Variants in PIK3CA observed in about 807,000 individuals in gnomAD.
PIK3CA encodes phosphatidylinositol 4,5-bisphosphate 3-kinase catalytic subunit alpha isoform.
Under a neutral mutation model 138.2 loss-of-function variants are expected in PIK3CA, and 27 were observed. The observed-to-expected ratio is 0.20, with a 90% confidence interval of 0.14 to 0.27. PIK3CA has a LOEUF of 0.27. Among genes scored for constraint, PIK3CA ranks in the 10% least tolerant of loss-of-function variants. PIK3CA has a pLI of 1.00. For synonymous variants in PIK3CA, 358 were observed against 413.2 expected, an observed-to-expected ratio of 0.87 and a Z score of 1.62; for missense variants, 544 against 1,277.4, an observed-to-expected ratio of 0.43 and a Z score of 8.75.
chr3:179,160,343 A>G (rs1428163176), intron 1 of PIK3CA, among the ~76,000 whole-genome samples: 1 of 149,858 alleles, frequency 6.7e-6, no homozygotes, highest in East Asian at 1.9e-4. Context: ...CTTAAAGATA[A>G]GAATTTGCCA....
intron 1 of PIK3CA, among the ~76,000 whole-genome samples, chr3:179,166,559 TTACTC>T (rs760078375): frequency 5.3e-5 from 8 of 152,342 alleles, no homozygotes; most frequent in Non-Finnish European, 8.8e-5. Flanking sequence ...CTAACCTTCT[TTACTC>T]TGCTTTGTAA....
At chr3:179,224,238 A>AT in intron 15 of PIK3CA, 51 bp downstream of exon 15, 1 of 913,524 alleles carries the variant, frequency 1.1e-6, no homozygotes, top group East Asian at 2.5e-5. Flanking sequence ...CCTTTTCTGG[A>AT]TAAAATCTTG....
In PIK3CA at chr3:179,221,016, G is replaced by A. The variant is rs1724953895; in HGVS notation, c.2046G>A (p.Gln682=). Residue 682 remains glutamine (Q), a synonymous_variant, in exon 14 of 21, where the codon CAG becomes CAA. Transcript: ENST00000263967. ...KSEMHNKTVS[Q]RFGLLLESYC... ...AGATGCACAATAAAACAGTTAGCCA[G>A]AGGTTTGGCCTGCTTTTGGAGTCCT... 1 of 1,612,982 alleles carries A rather than the reference G, an allele frequency of 6.2e-7. No individual in the cohort carries two copies.
intron 1 of PIK3CA, among the ~76,000 whole-genome samples, chr3:179,148,832 T>C (rs1722927628): frequency 6.6e-6 from 1 of 152,082 alleles, no homozygotes; most frequent in South Asian, 2.1e-4. Flanking sequence ...CTCCTTTCTC[T>C]CTGGCTGCCG....
chr3:179,220,106 T>G lies in PIK3CA; in HGVS notation c.2015+54T>G. On this transcript the variant is annotated intron_variant, in intron 13 of 20. Transcript: ENST00000263967. The surrounding 1 kb of genome is among the most constrained non-coding windows in gnomAD (Gnocchi z 4.1). ...CTTAAGGTACATATTACTTGCTTTC[T>G]TAATAGATTTATAAATATGTATTAC... The G allele has an allele frequency of 1.6e-5, 19 of 1,207,698 alleles. No homozygotes were observed. The highest frequency in any genetic ancestry group is 2.1e-5 in the Non-Finnish European group (18 of 858,708). The allele number at this position is 1,207,698 out of a possible 1,614,324, so 74.8% of individuals were successfully genotyped here. A position where few individuals can be genotyped will look rare whatever the true frequency, so the allele number is the denominator to read the frequency against.
chr3:179,191,620 A>G (rs1176639471), intron 1 of PIK3CA, among the ~76,000 whole-genome samples: 1 of 151,740 alleles, frequency 6.6e-6, no homozygotes, highest in Admixed American at 6.6e-5. Context: ...AAACATAAGT[A>G]TTTGGTGTTT....
At position 179,210,335 on chromosome 3, in the gene PIK3CA, T is replaced by C; in HGVS notation, c.1401T>C (p.Asn467=). Residue 467 remains asparagine (N), a synonymous_variant, in exon 8 of 21, where the codon AAT becomes AAC. Coordinates refer to ENST00000263967, the MANE Select transcript of PIK3CA (RefSeq NM_006218.4). ...TTGGTGTTACTGGATCAAATCCAAA[T>C]AAAGTAAGGTTTTTATTGTCATAAA... The part of the protein sequence containing the change: ...NPIGVTGSNP[N]KETPCLELEF... 6.3e-7 allele frequency: 1 copy of C among 1,586,038 alleles called. No homozygotes were observed. Among genetic ancestry groups the C allele is most frequent in the Non-Finnish European group, 8.5e-7 (1 of 1,172,514 alleles).
At chr3:179,189,698 C>G (rs1175951656) in intron 1 of PIK3CA, among the ~76,000 whole-genome samples, 1 of 152,046 alleles carries the variant, frequency 6.6e-6, no homozygotes, top group Non-Finnish European at 1.5e-5. Context: ...ATTTTTATAA[C>G]ATGTTTCTTA....
At chr3:179,199,341 T>C (rs1335429593) in intron 2 of PIK3CA, among the ~76,000 whole-genome samples, 164 bp downstream of exon 2, 1 of 152,166 alleles carries the variant, frequency 6.6e-6, no homozygotes, top group Non-Finnish European at 1.5e-5. Context: ...TATGGAACTA[T>C]TTTTAACACC....
intron 9 of PIK3CA, 81 bp downstream of exon 9, chr3:179,210,646 C>CATATA: frequency 7.2e-7 from 1 of 1,387,498 alleles, no homozygotes; most frequent in Non-Finnish European, 1.0e-6. Context: ...GAAAAGGATC[C>CATATA]ATATATTTTA....
intron 1 of PIK3CA, among the ~76,000 whole-genome samples, chr3:179,170,851 G>T (rs904904854): frequency 6.6e-6 from 1 of 152,202 alleles, no homozygotes. Flanking sequence ...ATTTAGAAGA[G>T]TTGGAGATTT....
intron 20 of PIK3CA, among the ~76,000 whole-genome samples, chr3:179,231,176 A>G (rs1725202145): frequency 6.6e-6 from 1 of 152,124 alleles, no homozygotes; most frequent in Non-Finnish European, 1.5e-5. Context: ...TGTGGTGTAT[A>G]TGTACACTTT....
chr3:179,183,439 G>C (rs1723899384), intron 1 of PIK3CA, among the ~76,000 whole-genome samples: 1 of 152,120 alleles, frequency 6.6e-6, no homozygotes, highest in Non-Finnish European at 1.5e-5. Flanking sequence ...GGAAGAAAAT[G>C]TATTATTTTT....
At chr3:179,159,223 C>G (rs904186427) in intron 1 of PIK3CA, among the ~76,000 whole-genome samples, 2 of 152,082 alleles carry the variant, frequency 1.3e-5, no homozygotes, top group Non-Finnish European at 2.9e-5. Flanking sequence ...AATTTTGTCT[C>G]TTTTAGGGGG....
chr3:179,205,197 C>T (rs944432823), intron 6 of PIK3CA, among the ~76,000 whole-genome samples: 6 of 151,144 alleles, frequency 4.0e-5, no homozygotes, highest in Non-Finnish European at 8.8e-5. Context: ...ATTAGTGAGA[C>T]CTGATCTCAA....
At chr3:179,159,369 C>T (rs931323566) in intron 1 of PIK3CA, among the ~76,000 whole-genome samples, 4 of 152,142 alleles carry the variant, frequency 2.6e-5, no homozygotes, top group African/African-American at 9.7e-5. Context: ...AATGACATCA[C>T]GAAGAGTTAC....
intron 4 of PIK3CA, 49 bp downstream of exon 4, chr3:179,201,589 C>T (rs1724410590): frequency 1.7e-6 from 2 of 1,163,514 alleles, no homozygotes; most frequent in South Asian, 3.1e-5. Flanking sequence ...AAAGTAATCA[C>T]ATTGAGGATG....
intron 1 of PIK3CA, among the ~76,000 whole-genome samples, chr3:179,183,368 A>G (rs1487670182): frequency 6.6e-6 from 1 of 152,176 alleles, no homozygotes; most frequent in Non-Finnish European, 1.5e-5. Context: ...AACATCCCAG[A>G]TAGACTTGGG....
chr3:179,188,322 A>G (rs530531840), intron 1 of PIK3CA, among the ~76,000 whole-genome samples: 5 of 152,242 alleles, frequency 3.3e-5, no homozygotes, highest in Non-Finnish European at 5.9e-5. Flanking sequence ...TTCTTTGGCC[A>G]GGAGACACTC....
Sources: gnomAD v4.1 joint callset for allele counts (sites outside exome capture counted in the v4.1 genomes callset) on GRCh38, gnomAD v4.1.1 for gene constraint, Gnocchi (gnomAD v3.1) non-coding constraint, MANE v1.5 for transcripts, NCBI Gene and HGNC (gene_info 2026-07-23, HGNC 2026-07-21) for gene names.